SECISBP2L: variants seen among roughly 807,000 people sequenced by gnomAD.
SECISBP2L encodes the protein selenocysteine insertion sequence-binding protein 2-like.
SECISBP2L carries 43 observed loss-of-function variants against 114.7 expected under a neutral mutation model. The ratio of observed to expected loss-of-function variants is 0.38; its 90% CI spans 0.29 to 0.48. SECISBP2L has a LOEUF of 0.48. SECISBP2L is among the 20% of genes least tolerant of loss of function. The pLI, the probability that SECISBP2L is intolerant of heterozygous loss-of-function variation, is 0.98. For missense variants in SECISBP2L, 1,136 were observed against 1,301.1 expected (o/e 0.87, Z 1.95); for synonymous variants, 451 against 439.7 (o/e 1.03, Z -0.32).
chr15:49,000,946 T>C lies in SECISBP2L; in HGVS notation c.2179A>G (p.Lys727Glu). ...RLVMGLREVTKHMKLNKIKCV... is the reference protein window; with the variant it reads ...RLVMGLREVTEHMKLNKIKCV... The stretch of plus-strand genomic sequence containing the variant: ...TTGATCTTGTTTAACTTCATATGTT[T>C]GGTAACTTCTCTTAGACCCATAACG... Residue 727 changes from lysine (K) to glutamate (E), a missense_variant, in exon 15 of 18, where the codon AAA (lysine) becomes GAA (glutamate). Physicochemically the swap from Lys to Glu is moderately conservative, Grantham distance 56. Around this residue, in one of 2 missense-constraint regions of SECISBP2L, gnomAD observed 684 missense variants for 848.7 expected, o/e 0.81. Transcript: ENST00000559471. 6.2e-7 allele frequency: 1 copy of C among 1,613,850 alleles called. No homozygotes were observed. The highest frequency in any genetic ancestry group is 8.5e-7 in the Non-Finnish European group (1 of 1,179,884).
chr15:49,043,818 A>G (rs1476244945), intron 1 of SECISBP2L, among the ~76,000 whole-genome samples: 3 of 152,078 alleles, frequency 2.0e-5, no homozygotes, highest in Non-Finnish European at 4.4e-5. Context: ...AAGATTATCC[A>G]TCTAGCACTG....
intron 17 of SECISBP2L, among the ~76,000 whole-genome samples, chr15:48,993,896 C>A (rs1278264646): frequency 6.6e-6 from 1 of 152,032 alleles, no homozygotes; most frequent in Admixed American, 6.6e-5. Flanking sequence ...GACATTACAG[C>A]TACTATTTGC....
chr15:49,035,741 T>C (rs1595796297), intron 2 of SECISBP2L, 83 bp from the exon 3 acceptor site: 1 of 1,251,376 alleles, frequency 8.0e-7, no homozygotes, highest in Non-Finnish European at 1.1e-6. Context: ...CTTACACTAA[T>C]AAAAGACAAA....
chr15:48,994,641 A>G (rs1902050507), intron 17 of SECISBP2L, among the ~76,000 whole-genome samples: 1 of 152,196 alleles, frequency 6.6e-6, no homozygotes. Context: ...TCATCTTGAT[A>G]ACCACTCTTA....
chr15:49,044,590 T>G (rs1433314720), intron 1 of SECISBP2L, among the ~76,000 whole-genome samples: 1 of 152,140 alleles, frequency 6.6e-6, no homozygotes, highest in East Asian at 1.9e-4. Context: ...AGGGTTAGGC[T>G]GGGGAAGAGG....
At chr15:49,004,244 T>G (rs185601226) in intron 14 of SECISBP2L, among the ~76,000 whole-genome samples, 1 of 152,334 alleles carries the variant, frequency 6.6e-6, no homozygotes, top group Non-Finnish European at 1.5e-5. Flanking sequence ...TTTATAGTAT[T>G]CTCTGATGGC....
In SECISBP2L at chr15:48,992,163, T is replaced by G; in HGVS notation, c.*81A>C. The G allele has an allele frequency of 7.5e-7, 1 of 1,330,646 alleles. No individual in the cohort carries two copies. 82.4% of individuals were successfully genotyped at this position (1,330,646 alleles called of 1,614,324 possible). On this transcript the variant is annotated 3_prime_UTR_variant, in exon 18 of 18. Coordinates refer to ENST00000559471, the MANE Select transcript of SECISBP2L (RefSeq NM_001193489.2). ...AATACGTATATTAAATACTGGACAG[T>G]GCAAAATGTTGAGATGAAGCATAAA...
In SECISBP2L at chr15:49,019,346, C is replaced by A. The variant is rs1203009763; in HGVS notation, c.1170+72G>T. 12 of 1,214,872 alleles carry A rather than the reference C, an allele frequency of 9.9e-6. No homozygotes were observed. The Admixed American group carries it at 2.8e-4, about 29-fold the overall frequency. The allele number at this position is 1,214,872 out of a possible 1,614,324, so 75.3% of individuals were successfully genotyped here. ...ACATAAAAAGTACTCACAATGTTCACAATGTAACAAATTAATTTCTTAATG... is the reference window on the plus strand; with the variant it reads ...ACATAAAAAGTACTCACAATGTTCAAAATGTAACAAATTAATTTCTTAATG... On this transcript the variant is annotated intron_variant, in intron 8 of 17. Coordinates refer to ENST00000559471, the MANE Select transcript of SECISBP2L (RefSeq NM_001193489.2).
chr15:48,993,953 C>T (rs981252437), intron 17 of SECISBP2L, among the ~76,000 whole-genome samples: 2 of 152,012 alleles, frequency 1.3e-5, no homozygotes, highest in Admixed American at 1.3e-4. Context: ...AACCTATTCA[C>T]ATTAGTATGT....
intron 4 of SECISBP2L, among the ~76,000 whole-genome samples, chr15:49,029,558 G>A (rs1000690915): frequency 1.3e-5 from 2 of 152,138 alleles, no homozygotes; most frequent in African/African-American, 4.8e-5. Context: ...TACCACTGAT[G>A]AGACACCTGA....
At chr15:49,031,037 C>CTTTT (rs373799142) in intron 4 of SECISBP2L, among the ~76,000 whole-genome samples, 5 of 83,280 alleles carry the variant, frequency 6.0e-5, no homozygotes, top group South Asian at 5.1e-4. Context: ...TTATCATTTT[C>CTTTT]TTTTTTTTTT....
rs1414926817 is a variant in SECISBP2L at position 48,989,207 on chromosome 15, A to C, written c.*3037T>G. On this transcript the variant is annotated 3_prime_UTR_variant, in exon 18 of 18. Transcript: ENST00000559471. The stretch of plus-strand genomic sequence containing the variant: ...CATATATTAAAGTAACAATGTGTTA[A>C]GATTGAACAGTTTCATGTTAAAGAG... 1 of 152,570 alleles carries C rather than the reference A, an allele frequency of 6.6e-6. No homozygotes were observed. Among genetic ancestry groups the C allele is most frequent in the Admixed American group, 6.6e-5 (1 of 15,260 alleles). The allele number at this position is 152,570 out of a possible 1,614,324, so 9.5% of individuals were successfully genotyped here.
At chr15:49,014,070 A>G (rs1406380903) in intron 11 of SECISBP2L, among the ~76,000 whole-genome samples, 1 of 152,178 alleles carries the variant, frequency 6.6e-6, no homozygotes, top group Non-Finnish European at 1.5e-5. Flanking sequence ...TCAAATCATT[A>G]CAATTTGACC....
chr15:49,003,329 A>C (rs1229983964), intron 14 of SECISBP2L, among the ~76,000 whole-genome samples: 1 of 152,158 alleles, frequency 6.6e-6, no homozygotes, highest in East Asian at 1.9e-4. Context: ...CAGCTTAAGG[A>C]GATTTGGGGA....
At position 48,990,883 on chromosome 15, in the gene SECISBP2L, A is replaced by C. The variant is rs2141055773; in HGVS notation, c.*1361T>G. 1 of 150,882 alleles carries C rather than the reference A, an allele frequency of 6.6e-6. No homozygotes were observed. Among genetic ancestry groups the C allele is most frequent in the East Asian group, 2.0e-4 (1 of 5,108 alleles). The allele number at this position is 150,882 out of a possible 1,614,324, so 9.3% of individuals were successfully genotyped here. On this transcript the variant is annotated 3_prime_UTR_variant, in exon 18 of 18. Coordinates refer to ENST00000559471, the MANE Select transcript of SECISBP2L (RefSeq NM_001193489.2). ...GGGGGGACAGTTGGGGGTGGTGGGG[A>C]GTTGGATGGAAGACAAAAAAATTAC...
chr15:49,005,345 C>T (rs912992288), intron 14 of SECISBP2L, among the ~76,000 whole-genome samples: 4 of 151,998 alleles, frequency 2.6e-5, no homozygotes, highest in African/African-American at 4.8e-5. Context: ...AAAAGTCTCC[C>T]ACTATTTTTG....
chr15:49,002,596 T>C (rs942498564), intron 14 of SECISBP2L, among the ~76,000 whole-genome samples: 1 of 152,208 alleles, frequency 6.6e-6, no homozygotes, highest in Non-Finnish European at 1.5e-5. Flanking sequence ...TTTTATGTTT[T>C]AAGCCATTAA....
chr15:49,034,669 G>GTTTTTTTC (rs1555387331), intron 3 of SECISBP2L, among the ~76,000 whole-genome samples: 2 of 132,136 alleles, frequency 1.5e-5, no homozygotes, highest in East Asian at 4.3e-4. Context: ...TATATCTTTT[G>GTTTTTTTC]TTTTTTTTTT....
intron 1 of SECISBP2L, among the ~76,000 whole-genome samples, chr15:49,041,446 A>G (rs1261154514): frequency 6.6e-6 from 1 of 152,240 alleles, no homozygotes; most frequent in Non-Finnish European, 1.5e-5. Flanking sequence ...AGACAAATGT[A>G]TTCAGATCAT....
Sources: allele counts gnomAD v4.1 joint callset (sites outside exome capture counted in the v4.1 genomes callset), GRCh38; gene constraint gnomAD v4.1.1; regional missense constraint gnomAD v4.1.1; transcripts MANE v1.5; gene names NCBI Gene and HGNC (gene_info 2026-07-23, HGNC 2026-07-21).